The following ATG3 variants were observed in gnomAD, a reference collection of about 807,000 sequenced individuals.
ATG3 encodes ubiquitin-like-conjugating enzyme ATG3.
Under a neutral mutation model 50.7 loss-of-function variants are expected in ATG3, and 25 were observed. That is an observed-to-expected ratio of 0.49 (90% CI 0.36 to 0.69). The LOEUF (loss-of-function observed/expected upper bound fraction) is 0.69. Ranked by LOEUF, ATG3 falls within the 30% of genes least tolerant of loss-of-function variation. The pLI is 0.00. For missense variants in ATG3, 281 were observed against 376.0 expected, an observed-to-expected ratio of 0.75 and a Z score of 2.09; for synonymous variants, 119 against 125.5, an observed-to-expected ratio of 0.95 and a Z score of 0.34.
At chr3:112,550,075 A>G in intron 4 of ATG3, 117 bp downstream of exon 4, 1 of 654,286 alleles carries the variant, frequency 1.5e-6, no homozygotes, top group Non-Finnish European at 2.5e-6. Context: ...GCAAAAAGAA[A>G]TAACAGAAAG....
chr3:112,539,783 C>T (rs1372377988), intron 7 of ATG3, among the ~76,000 whole-genome samples: 1 of 152,072 alleles, frequency 6.6e-6, no homozygotes, highest in Non-Finnish European at 1.5e-5. Flanking sequence ...AACTGTTGAG[C>T]AAAATTACAT....
chr3:112,534,106 C>A, intron 11 of ATG3, 163 bp downstream of exon 11: 3 of 1,391,832 alleles, frequency 2.2e-6, no homozygotes, highest in Non-Finnish European at 2.8e-6. Flanking sequence ...ATAACTATCA[C>A]AATATAACAT....
intron 2 of ATG3, chr3:112,558,049 CCA>C (rs1324246544): frequency 2.1e-4 from 45 of 213,294 alleles, no homozygotes; most frequent in Non-Finnish European, 3.9e-4. Context: ...AACCAAGACA[CCA>C]CAGACATTAC....
chr3:112,561,273 T>G (rs143313066), intron 1 of ATG3, among the ~76,000 whole-genome samples, 184 bp downstream of exon 1: 80 of 151,216 alleles, frequency 5.3e-4, no homozygotes, highest in African/African-American at 1.9e-3. Flanking sequence ...CCCTGAGGAG[T>G]CAGAAAGCCC....
At chr3:112,540,744 T>C (rs73229353) in intron 7 of ATG3, among the ~76,000 whole-genome samples, 6,365 of 151,878 alleles carry the variant, frequency 0.042, 244 homozygotes, top group Admixed American at 0.11. Context: ...AACCCAGTGT[T>C]ATAGAAACCA....
chr3:112,558,426 A>G lies in ATG3; in HGVS notation c.73-9T>C, dbSNP rs764204304. 5.0e-6 allele frequency: 8 copies of G among 1,584,876 alleles called. No individual in the cohort carries two copies. Among genetic ancestry groups the G allele is most frequent in the Non-Finnish European group, 6.9e-6 (8 of 1,154,096 alleles). ...TCCTTAAACTTTGATTCCTAAAAAAAGCAGAAAGAAAAACAATATTATATC... is the reference window on the plus strand; with the variant it reads ...TCCTTAAACTTTGATTCCTAAAAAAGGCAGAAAGAAAAACAATATTATATC... On this transcript the variant is annotated splice_polypyrimidine_tract_variant and intron_variant, in intron 1 of 11. Transcript: ENST00000283290.
At position 112,532,591 on chromosome 3, in the gene ATG3, T is replaced by C; in HGVS notation, c.*108A>G. 4.1e-6 allele frequency: 3 copies of C among 734,374 alleles called. No homozygotes were observed. Among genetic ancestry groups the C allele is most frequent in the Non-Finnish European group, 5.9e-6 (3 of 505,188 alleles). The allele number at this position is 734,374 out of a possible 1,614,324, so 45.5% of individuals were successfully genotyped here. On this transcript the variant is annotated 3_prime_UTR_variant, in exon 12 of 12. Transcript: ENST00000283290. Reference sequence around the variant, plus strand: ...TTTAATGCATAAACATATAAGTCCCTTATTAGAGAAACTGTATATATTGAT... The same window carrying C: ...TTTAATGCATAAACATATAAGTCCCCTATTAGAGAAACTGTATATATTGAT...
At chr3:112,546,843 G>A (rs573348910) in intron 5 of ATG3, among the ~76,000 whole-genome samples, 127 of 152,310 alleles carry the variant, frequency 8.3e-4, no homozygotes, top group African/African-American at 2.9e-3. Context: ...AGTGGGGCGG[G>A]GGGAAAGAAG....
Position 112,561,655 on chromosome 3 carries a change from G to A in ATG3, c.-127C>T. ...CAGCACCCGGCTGGCAGCACCCGAG[G>A]GGACGGGACGCGACGCGACGGGACG... On this transcript the variant is annotated 5_prime_UTR_variant, in exon 1 of 12. Coordinates refer to ENST00000283290, the MANE Select transcript of ATG3 (RefSeq NM_022488.5). 1.0e-6 allele frequency: 1 copy of A among 956,294 alleles called. No homozygotes were observed. 59.2% of individuals were successfully genotyped at this position (956,294 alleles called of 1,614,324 possible). A position where few individuals can be genotyped will look rare whatever the true frequency, so the allele number is the denominator to read the frequency against.
At chr3:112,534,912 A>C (rs893932839) in intron 10 of ATG3, 2 of 152,086 alleles carry the variant, frequency 1.3e-5, no homozygotes, top group African/African-American at 4.8e-5. Flanking sequence ...CTAATTGGTT[A>C]GAGTTGAGAG....
intron 6 of ATG3, among the ~76,000 whole-genome samples, chr3:112,543,451 C>G (rs1418044952): frequency 6.6e-6 from 1 of 152,044 alleles, no homozygotes. Context: ...ATAAATCATG[C>G]AATAAAACTT....
At chr3:112,533,457 T>C in intron 11 of ATG3, 1 of 985,304 alleles carries the variant, frequency 1.0e-6, no homozygotes, top group Non-Finnish European at 1.2e-6. Context: ...TGGAAGTTTT[T>C]GGTTTGTTTC....
intron 5 of ATG3, among the ~76,000 whole-genome samples, chr3:112,545,833 G>C (rs890449140): frequency 3.3e-5 from 5 of 152,128 alleles, no homozygotes; most frequent in Non-Finnish European, 7.3e-5. Flanking sequence ...CTAGGTTGTG[G>C]CACCCAGATG....
intron 1 of ATG3, among the ~76,000 whole-genome samples, chr3:112,559,590 A>C (rs1933783282): frequency 6.6e-6 from 1 of 152,248 alleles, no homozygotes; most frequent in Admixed American, 6.5e-5. Flanking sequence ...AAGAGAACAA[A>C]GACTTCACTG....
chr3:112,546,330 G>A (rs1023380632), intron 5 of ATG3, among the ~76,000 whole-genome samples: 3 of 151,214 alleles, frequency 2.0e-5, no homozygotes, highest in Non-Finnish European at 2.9e-5. Flanking sequence ...CCTGATAATC[G>A]AGTTGGCTAT....
At chr3:112,542,043 T>C (rs1453826513) in intron 6 of ATG3, among the ~76,000 whole-genome samples, 159 bp from the exon 7 acceptor site, 2 of 152,182 alleles carry the variant, frequency 1.3e-5, no homozygotes, top group East Asian at 1.9e-4. Context: ...AATGAATTCA[T>C]ATATCAGTCA....
At chr3:112,538,044 AC>A (rs374344422) in intron 8 of ATG3, 101 bp downstream of exon 8, 3 of 1,227,714 alleles carry the variant, frequency 2.4e-6, no homozygotes, top group African/African-American at 3.1e-5. Flanking sequence ...ATCAATATGA[AC>A]AAATTAGAAT....
intron 2 of ATG3, among the ~76,000 whole-genome samples, chr3:112,555,208 AAAAC>A (rs1933634713): frequency 6.6e-6 from 1 of 152,164 alleles, no homozygotes; most frequent in Admixed American, 6.5e-5. Flanking sequence ...CGAAAAACAA[AAAAC>A]AAAACAAAAA....
chr3:112,548,354 A>G (rs1479607660), intron 5 of ATG3, among the ~76,000 whole-genome samples, 179 bp downstream of exon 5: 2 of 152,194 alleles, frequency 1.3e-5, no homozygotes, highest in Admixed American at 6.5e-5. Flanking sequence ...AAAAAAAGAA[A>G]TAAATTTGGC....
Sources: gnomAD v4.1 joint callset for allele counts (sites outside exome capture counted in the v4.1 genomes callset) on GRCh38, gnomAD v4.1.1 for gene constraint, MANE v1.5 for transcripts, NCBI Gene and HGNC (gene_info 2026-07-23, HGNC 2026-07-21) for gene names.